The following DEK variants were observed in gnomAD, a reference collection of about 807,000 sequenced individuals.
DEK encodes DEK proto-oncogene, also known as protein DEK.
Under a neutral mutation model 46.8 loss-of-function variants are expected in DEK, and 28 were observed. The observed-to-expected ratio is 0.60, with a 90% CI of 0.44 to 0.82. DEK has a LOEUF of 0.82. DEK is among the 40% of genes least tolerant of loss of function. The probability of loss-of-function intolerance (pLI) is 0.00; values close to 1 mark genes in which losing one functional copy is unlikely to be tolerated. For missense variants in DEK, 416 were observed against 430.6 expected, an observed-to-expected ratio of 0.97 and a Z score of 0.30; for synonymous variants, 160 against 144.5, an observed-to-expected ratio of 1.11 and a Z score of -0.77.
intron 7 of DEK, 138 bp downstream of exon 7, chr6:18,249,513 G>A: frequency 7.8e-7 from 1 of 1,288,678 alleles, no homozygotes; most frequent in Non-Finnish European, 1.0e-6. Context: ...AAAGAAATGG[G>A]TTCATACTTA....
At position 18,258,285 on chromosome 6, in the gene DEK, G is replaced by C. The variant is rs172520; in HGVS notation, c.247+19C>G. 3.8e-6 allele frequency: 6 copies of C among 1,586,146 alleles called. No homozygotes were observed. The African/African-American group carries it at 8.1e-5, about 22-fold the overall frequency. ...AGGCACTTTCACCACAAAATGAAAG[G>C]AAGCTAGAATAAACTTACCTTGTGC... is the stretch of plus-strand genomic sequence containing the variant. On this transcript the variant is annotated intron_variant, in intron 3 of 10. Transcript: ENST00000652689.
intron 9 of DEK, 79 bp downstream of exon 9, chr6:18,236,373 G>GT: frequency 6.8e-7 from 1 of 1,476,418 alleles, no homozygotes; most frequent in Non-Finnish European, 9.2e-7. Context: ...ATGCACGTAA[G>GT]TATTTAGCTT....
chr6:18,260,669 G>C (rs1791817425), intron 2 of DEK, among the ~76,000 whole-genome samples: 2 of 152,056 alleles, frequency 1.3e-5, no homozygotes, highest in South Asian at 2.1e-4. Flanking sequence ...TGGGTGCCTG[G>C]GCAGAAGCCT....
chr6:18,227,266 CT>C, intron 9 of DEK, among the ~76,000 whole-genome samples: 1 of 152,144 alleles, frequency 6.6e-6, no homozygotes, highest in East Asian at 1.9e-4. Context: ...AATGGAATGT[CT>C]CGGTATAAAA....
At chr6:18,241,665 C>G (rs369990374) in intron 7 of DEK, among the ~76,000 whole-genome samples, 2 of 152,174 alleles carry the variant, frequency 1.3e-5, no homozygotes, top group South Asian at 4.1e-4. Flanking sequence ...CATTTATGGA[C>G]TAGATTTGTC....
chr6:18,234,220 G>A (rs1157010415), intron 9 of DEK, among the ~76,000 whole-genome samples: 2 of 151,504 alleles, frequency 1.3e-5, no homozygotes, highest in East Asian at 3.9e-4. Context: ...GATAGCATTA[G>A]GAGATACACC....
At chr6:18,263,181 A>T (rs1439429681) in intron 2 of DEK, among the ~76,000 whole-genome samples, 2 of 152,152 alleles carry the variant, frequency 1.3e-5, no homozygotes, top group Non-Finnish European at 2.9e-5. Flanking sequence ...CCTCCAGTCA[A>T]ATCAGGGCTC....
At chr6:18,229,184 A>G (rs1372548065) in intron 9 of DEK, among the ~76,000 whole-genome samples, 1 of 152,240 alleles carries the variant, frequency 6.6e-6, no homozygotes, top group Non-Finnish European at 1.5e-5. Context: ...CCTGACTGTT[A>G]GAAGGAAAAC....
chr6:18,264,431 G>T lies in DEK; in HGVS notation c.-56C>A. The T allele has an allele frequency of 3.6e-6, 1 of 275,262 alleles. No individual in the cohort carries two copies. Among genetic ancestry groups the T allele is most frequent in the Non-Finnish European group, 7.5e-6 (1 of 133,810 alleles). 17.1% of individuals were successfully genotyped at this position (275,262 alleles called of 1,614,324 possible). ...GCCTGGCACGCGAGGGCACGAGGAG[G>T]TTCTGGGAGGCGGCGGCGGCCGACG... On this transcript the variant is annotated 5_prime_UTR_variant, in exon 1 of 11. Transcript: ENST00000652689.
chr6:18,226,205 CT>C lies in DEK; in HGVS notation c.1084del (p.Arg362GlufsTer5). The C allele has an allele frequency of 7.5e-7, 1 of 1,339,664 alleles. No individual in the cohort carries two copies. The highest frequency in any genetic ancestry group is 1.5e-5 in the South Asian group (1 of 66,720). 83.0% of individuals were successfully genotyped at this position (1,339,664 alleles called of 1,614,324 possible). A position where few individuals can be genotyped will look rare whatever the true frequency, so the allele number is the denominator to read the frequency against. On this transcript the variant is annotated frameshift_variant, in exon 10 of 11. Transcript: ENST00000652689. LOFTEE classifies it high-confidence loss of function. ...TACAGTTGTTTTTATGAAATCTTTT[CT>C]TTCAGTTAAATCATAAGTAGGATAA... is the stretch of plus-strand genomic sequence containing the variant. ...ENYPTYDLTERKDFIKTTVKE... is the reference protein window; with the variant it reads ...ENYPTYDLTEXKDFIKTTVKE...
At chr6:18,230,858 A>C (rs2151077813) in intron 9 of DEK, among the ~76,000 whole-genome samples, 1 of 152,336 alleles carries the variant, frequency 6.6e-6, no homozygotes, top group South Asian at 2.1e-4. Context: ...AATTGAACTC[A>C]GCTCTGCACC....
In DEK at chr6:18,256,345, T is replaced by C; in HGVS notation, c.452+16A>G. ...AGCATATTGATCAAAATACAGTATTTATAAAAATAACTTACTTTTTCAACA... is the reference window on the plus strand; with the variant it reads ...AGCATATTGATCAAAATACAGTATTCATAAAAATAACTTACTTTTTCAACA... On this transcript the variant is annotated intron_variant, in intron 5 of 10. Coordinates refer to ENST00000652689, the MANE Select transcript of DEK (RefSeq NM_003472.4). 1.3e-6 allele frequency: 2 copies of C among 1,583,982 alleles called. No individual in the cohort carries two copies. The highest frequency in any genetic ancestry group is 1.7e-6 in the Non-Finnish European group (2 of 1,158,448).
At chr6:18,244,122 A>T (rs888530235) in intron 7 of DEK, among the ~76,000 whole-genome samples, 1 of 152,234 alleles carries the variant, frequency 6.6e-6, no homozygotes, top group African/African-American at 2.4e-5. Flanking sequence ...ACCTAAGTGG[A>T]GACAAGACTG....
chr6:18,249,962 A>C, intron 6 of DEK, 123 bp from the exon 7 acceptor site: 1 of 1,379,556 alleles, frequency 7.2e-7, no homozygotes, highest in Non-Finnish European at 9.5e-7. Context: ...CAAGCCCAGC[A>C]GCTTTGCAGA....
At chr6:18,252,029 G>A (rs769589559) in intron 6 of DEK, among the ~76,000 whole-genome samples, 1 of 152,036 alleles carries the variant, frequency 6.6e-6, no homozygotes, top group African/African-American at 2.4e-5. Context: ...TCCAAAAATA[G>A]TTAAATCTAT....
At chr6:18,259,678 C>T (rs984755220) in intron 2 of DEK, among the ~76,000 whole-genome samples, 3 of 151,930 alleles carry the variant, frequency 2.0e-5, no homozygotes, top group East Asian at 1.9e-4. Context: ...TAAATATACG[C>T]CAATATAAAA....
chr6:18,262,489 C>T (rs1437870737), intron 2 of DEK, among the ~76,000 whole-genome samples: 1 of 151,982 alleles, frequency 6.6e-6, no homozygotes, highest in Non-Finnish European at 1.5e-5. Context: ...AAAATTTCTA[C>T]AACATCATGT....
intron 9 of DEK, among the ~76,000 whole-genome samples, chr6:18,234,278 GGA>G (rs1491282692): frequency 2.0e-5 from 2 of 100,400 alleles, no homozygotes; most frequent in Non-Finnish European, 3.7e-5. Context: ...CATGGCACAT[GGA>G]TATATATATA....
intron 7 of DEK, among the ~76,000 whole-genome samples, chr6:18,242,511 C>G (rs1216837393): frequency 6.6e-6 from 1 of 152,160 alleles, no homozygotes; most frequent in Non-Finnish European, 1.5e-5. Context: ...AAATTGCATG[C>G]TGTTCTGAGT....
Sources: allele counts gnomAD v4.1 joint callset (sites outside exome capture counted in the v4.1 genomes callset), GRCh38; gene constraint gnomAD v4.1.1; transcripts MANE v1.5; gene names NCBI Gene and HGNC (gene_info 2026-07-23, HGNC 2026-07-21).